The following TBRG4 variants were observed in gnomAD, a reference collection of about 807,000 sequenced individuals.
The protein encoded by TBRG4 is transforming growth factor beta regulator 4.
A neutral mutation model predicts 65.6 loss-of-function variants in TBRG4; 43 were observed. That is an observed-to-expected ratio of 0.66 (90% confidence interval 0.51 to 0.85). TBRG4 has a LOEUF of 0.85. TBRG4 is among the 40% of genes least tolerant of loss of function. The probability of loss-of-function intolerance (pLI) is 0.00; values close to 1 mark genes in which losing one functional copy is unlikely to be tolerated. For synonymous variants in TBRG4, 366 were observed against 341.4 expected (o/e 1.07, Z -0.79); for missense variants, 709 against 787.9 (o/e 0.90, Z 1.20).
intron 8 of TBRG4, 23 bp from the exon 9 acceptor site, chr7:45,101,637 G>A: frequency 1.9e-6 from 3 of 1,609,710 alleles, no homozygotes; most frequent in Non-Finnish European, 2.5e-6. Context: ...TGTGGGATGA[G>A]AACATGTTGG....
rs185067008 is a variant in TBRG4 at position 45,111,683 on chromosome 7, T to C, written c.-91A>G. Reference sequence around the variant, plus strand: ...GCTGACCTCCATCCGCCGCCCTAACTGTCCCCGGAACCATGAGGTGCGCGG... The same window carrying C: ...GCTGACCTCCATCCGCCGCCCTAACCGTCCCCGGAACCATGAGGTGCGCGG... On this transcript the variant is annotated 5_prime_UTR_variant, in exon 1 of 11. Transcript: ENST00000258770. 7.0e-6 allele frequency: 9 copies of C among 1,289,306 alleles called. No homozygotes were observed. In the South Asian group the frequency reaches 8.6e-5, roughly 12 times the overall value. 79.9% of individuals were successfully genotyped at this position (1,289,306 alleles called of 1,614,324 possible). A position where few individuals can be genotyped will look rare whatever the true frequency, so the allele number is the denominator to read the frequency against.
rs140377952 is a variant in TBRG4 at position 45,105,524 on chromosome 7, T to C, written c.652A>G (p.Ile218Val). The change falls in exon 3 of 11, where the codon ATT (isoleucine) becomes GTT (valine). Residue 218 changes from isoleucine to valine, a missense_variant. Transcript: ENST00000258770. ...LTHLERRWTE[I>V]EDSHTLVTVM... ...GTCACTAATGTGTGGGAATCTTCAA[T>C]TTCTGTCCAACGCCTTTCCAGGTGT... The C allele has an allele frequency of 9.9e-6, 16 of 1,614,060 alleles. No individual in the cohort carries two copies. The African/African-American group carries it at 1.9e-4, about 19-fold the overall frequency.
rs896403134 is a variant in TBRG4 at position 45,105,668 on chromosome 7, G to C, written c.508C>G (p.Gln170Glu). 3 of 1,613,930 alleles carry C rather than the reference G, an allele frequency of 1.9e-6. No individual in the cohort carries two copies. The highest frequency in any genetic ancestry group is 2.7e-5 in the African/African-American group (2 of 74,926). The change falls in exon 3 of 11, where the codon CAG becomes GAG. Residue 170 changes from glutamine (Q) to glutamate (E), a missense_variant. By Grantham distance (29) the Gln-to-Glu change is conservative (BLOSUM62 2). Transcript: ENST00000258770. ...TTCCGCATGCGCCAGCGGACCTCCT[G>C]CTCCACCGACTGCAGCTCCTTGGAG... is the stretch of plus-strand genomic sequence containing the variant. ...KASKELQSVE[Q>E]EVRWRMRKLK...
intron 10 of TBRG4, 61 bp from the exon 11 acceptor site, chr7:45,100,487 C>CTGCCTGCT (rs1784732717): frequency 2.9e-6 from 4 of 1,395,456 alleles, no homozygotes; most frequent in Non-Finnish European, 4.1e-6. Context: ...GCCAGTGGCT[C>CTGCCTGCT]TGCCTGCTTG....
At position 45,104,083 on chromosome 7, in the gene TBRG4, C is replaced by T. The variant is rs1554388858; in HGVS notation, c.1065+16G>A. On this transcript the variant is annotated intron_variant, in intron 5 of 10. Coordinates refer to ENST00000258770, the MANE Select transcript of TBRG4 (RefSeq NM_004749.4). ...GGAAGCCAGCTTCTCTGAGTTGGGG[C>T]CAGGCCCTGGCTCACCTGGGCAAAG... 10 of 1,580,910 alleles carry T rather than the reference C, an allele frequency of 6.3e-6. No homozygotes were observed. The South Asian group carries it at 9.2e-5, about 15-fold the overall frequency.
rs1192313319 is a variant in TBRG4, at chr7:45,111,685, T to G, written c.-93A>C. 1 of 1,289,020 alleles carries G rather than the reference T, an allele frequency of 7.8e-7. No individual in the cohort carries two copies. Among genetic ancestry groups the G allele is most frequent in the Non-Finnish European group, 1.0e-6 (1 of 988,804 alleles). The allele number at this position is 1,289,020 out of a possible 1,614,324, so 79.8% of individuals were successfully genotyped here. ...TGACCTCCATCCGCCGCCCTAACTG[T>G]CCCCGGAACCATGAGGTGCGCGGCG... On this transcript the variant is annotated 5_prime_UTR_variant, in exon 1 of 11. Transcript: ENST00000258770.
chr7:45,102,642 T>C lies in TBRG4; in HGVS notation c.1177-151A>G, dbSNP rs531888195. The C allele has an allele frequency of 1.9e-3, 2,005 of 1,062,226 alleles. 6 individuals are homozygous for C. Among genetic ancestry groups the C allele is most frequent in the Middle Eastern group, 3.8e-3 (12 of 3,146 alleles). The allele number at this position is 1,062,226 out of a possible 1,614,324, so 65.8% of individuals were successfully genotyped here. A position where few individuals can be genotyped will look rare whatever the true frequency, so the allele number is the denominator to read the frequency against. On this transcript the variant is annotated intron_variant, in intron 6 of 10. Transcript: ENST00000258770. ...GTAACAAGAGGCAGAACCCTGGCCC[T>C]TGGTGAGGCCTGGAGCAATCCTGGG...
chr7:45,111,625 C>G lies in TBRG4; in HGVS notation c.-51+18G>C. ...ACCCACGATCAGCCGCCCCTTCTCC[C>G]CGTGCCACAAGACCTACGCAGCGAG... On this transcript the variant is annotated intron_variant, in intron 1 of 10. Coordinates refer to ENST00000258770, the MANE Select transcript of TBRG4 (RefSeq NM_004749.4). 1.6e-6 allele frequency: 2 copies of G among 1,289,498 alleles called. No homozygotes were observed. Among genetic ancestry groups the G allele is most frequent in the Non-Finnish European group, 2.0e-6 (2 of 988,850 alleles). 79.9% of individuals were successfully genotyped at this position (1,289,498 alleles called of 1,614,324 possible).
In TBRG4 at chr7:45,108,973, G is replaced by C. The variant is rs749190900; in HGVS notation, c.265C>G (p.Leu89Val). ...ATRPEELLEL[L>V]GGSHDLDSNQ... The stretch of plus-strand genomic sequence containing the variant: ...CTGTCCAAGTCGTGACTGCCACCAA[G>C]TAGCTCCAGGAGCTCCTCTGGCCTT... Residue 89 changes from leucine (L) to valine (V), a missense_variant, in exon 2 of 11, where the codon CTT (leucine) becomes GTT (valine). Transcript: ENST00000258770. The C allele has an allele frequency of 6.2e-7, 1 of 1,612,570 alleles. No homozygotes were observed. The highest frequency in any genetic ancestry group is 8.5e-7 in the Non-Finnish European group (1 of 1,179,358).
rs538260980 is a variant in TBRG4 at position 45,100,478 on chromosome 7, C to A, written c.1795-52G>T. 5 of 1,469,036 alleles carry A rather than the reference C, an allele frequency of 3.4e-6. No homozygotes were observed. The South Asian group carries it at 4.6e-5, about 13-fold the overall frequency. 91.0% of individuals were successfully genotyped at this position (1,469,036 alleles called of 1,614,324 possible). On this transcript the variant is annotated intron_variant, in intron 10 of 10. Coordinates refer to ENST00000258770, the MANE Select transcript of TBRG4 (RefSeq NM_004749.4). ...ACATGGGCAAGGAGATCCCTTCCAG[C>A]CAGTGGCTCTGCCTGCTTGCCTGCT... is the stretch of plus-strand genomic sequence containing the variant.
intron 2 of TBRG4, chr7:45,106,555 C>G (rs1460102999): frequency 2.0e-5 from 3 of 153,600 alleles, no homozygotes; most frequent in Non-Finnish European, 4.4e-5. Flanking sequence ...CCAGGCAGAT[C>G]ACCTGAGGTC....
chr7:45,105,599 T>G lies in TBRG4; in HGVS notation c.577A>C (p.Thr193Pro). 1 of 1,614,060 alleles carries G rather than the reference T, an allele frequency of 6.2e-7. No individual in the cohort carries two copies. Among genetic ancestry groups the G allele is most frequent in the Non-Finnish European group, 8.5e-7 (1 of 1,180,018 alleles). Residue 193 changes from threonine to proline, a missense_variant, in exon 3 of 11, where the codon ACC (threonine) becomes CCC (proline). Coordinates refer to ENST00000258770, the MANE Select transcript of TBRG4 (RefSeq NM_004749.4). The part of the protein sequence containing the change: ...HLAFLAESCA[T>P]LSQEQHSQEL... ...TGCGAGTGCTGCTCCTGTGAGAGGG[T>G]GGCACAGGACTCTGCCAGGAAGGCC...
chr7:45,102,035 T>G lies in TBRG4; in HGVS notation c.1357A>C (p.Lys453Gln). The change falls in exon 8 of 11, where the codon AAG (lysine) becomes CAG (glutamine). Residue 453 changes from lysine to glutamine, a missense_variant. Coordinates refer to ENST00000258770, the MANE Select transcript of TBRG4 (RefSeq NM_004749.4). ...GCAGTGGCGTTGATGTGGAGCAGCT[T>G]CTGGAAGGTGTTCTGATCCTTCTGA... ...KSQKDQNTFQKLLHINATALL... is the reference protein window; with the variant it reads ...KSQKDQNTFQQLLHINATALL... 6.4e-7 allele frequency: 1 copy of G among 1,566,796 alleles called. No individual in the cohort carries two copies. The highest frequency in any genetic ancestry group is 8.6e-7 in the Non-Finnish European group (1 of 1,162,236).
At chr7:45,101,661 G>A (rs1244221897) in intron 8 of TBRG4, 47 bp from the exon 9 acceptor site, 1 of 1,603,698 alleles carries the variant, frequency 6.2e-7, no homozygotes, top group East Asian at 2.2e-5. Context: ...ACATCCCTCA[G>A]AAACCCCCCC....
rs915930546 is a variant in TBRG4 at position 45,105,716 on chromosome 7, A to G, written c.460T>C (p.Tyr154His). 3 of 1,613,700 alleles carry G rather than the reference A, an allele frequency of 1.9e-6. No homozygotes were observed. The African/African-American group carries it at 4.0e-5, about 22-fold the overall frequency. The change falls in exon 3 of 11, where the codon TAT becomes CAT. Residue 154 changes from tyrosine to histidine, a missense_variant. Transcript: ENST00000258770. ...GTLSKLLGSL[Y>H]ALGIPKASKE... ...GAGGCCTTGGGGATGCCCAGAGCAT[A>G]CAGGCTTCCCAGCAGCTTCGAGAGG... is the stretch of plus-strand genomic sequence containing the variant.
In TBRG4 at chr7:45,102,046, T is replaced by A; in HGVS notation, c.1346A>T (p.Asn449Ile). The change falls in exon 8 of 11, where the codon AAC (asparagine) becomes ATC (isoleucine). Residue 449 changes from asparagine (N) to isoleucine (I), a missense_variant. Coordinates refer to ENST00000258770, the MANE Select transcript of TBRG4 (RefSeq NM_004749.4). Reference sequence around the variant, plus strand: ...GATGTGGAGCAGCTTCTGGAAGGTGTTCTGATCCTTCTGAGACTTGCCCCC... The same window carrying A: ...GATGTGGAGCAGCTTCTGGAAGGTGATCTGATCCTTCTGAGACTTGCCCCC... ...FLGGKSQKDQ[N>I]TFQKLLHINA... The A allele has an allele frequency of 1.9e-6, 3 of 1,567,546 alleles. No homozygotes were observed. The highest frequency in any genetic ancestry group is 1.4e-5 in the African/African-American group (1 of 72,506).
intron 2 of TBRG4, chr7:45,106,006 C>T (rs2128645820): frequency 2.8e-6 from 2 of 721,186 alleles, no homozygotes; most frequent in East Asian, 5.4e-5. Flanking sequence ...GCCTGGGACA[C>T]AGTAACAGGG....
At position 45,105,632 on chromosome 7, in the gene TBRG4, T is replaced by G; in HGVS notation, c.544A>C (p.Lys182Gln). Residue 182 changes from lysine (K) to glutamine (Q), a missense_variant, in exon 3 of 11, where the codon AAG becomes CAG. Lys to Gln is a moderately conservative substitution (Grantham distance 53, BLOSUM62 1). Transcript: ENST00000258770. Reference sequence around the variant, plus strand: ...GACTCTGCCAGGAAGGCCAGGTGCTTGTACTTGAGCTTCCGCATGCGCCAG... The same window carrying G: ...GACTCTGCCAGGAAGGCCAGGTGCTGGTACTTGAGCTTCCGCATGCGCCAG... ...VRWRMRKLKY[K>Q]HLAFLAESCA... The G allele has an allele frequency of 1.9e-6, 3 of 1,614,086 alleles. No homozygotes were observed. Among genetic ancestry groups the G allele is most frequent in the South Asian group, 2.2e-5 (2 of 91,086 alleles).
At chr7:45,104,044 C>G in intron 5 of TBRG4, 55 bp downstream of exon 5, 3 of 1,516,004 alleles carry the variant, frequency 2.0e-6, no homozygotes, top group Non-Finnish European at 2.6e-6. Context: ...GCAATGGTTC[C>G]CAGCAGATGG....
Sources: gnomAD v4.1 joint callset for allele counts on GRCh38, gnomAD v4.1.1 for gene constraint, MANE v1.5 for transcripts, NCBI Gene and HGNC (gene_info 2026-07-23, HGNC 2026-07-21) for gene names.